RIT1: variants seen among roughly 807,000 people sequenced by gnomAD.
The protein encoded by RIT1 is GTP-binding protein Rit1.
Under a neutral mutation model 25.6 loss-of-function variants are expected in RIT1, and 6 were observed. The ratio of observed to expected loss-of-function variants is 0.23; its 90% CI spans 0.13 to 0.46. The LOEUF (loss-of-function observed/expected upper bound fraction) is 0.46. Ranked by LOEUF, RIT1 falls within the 20% of genes least tolerant of loss-of-function variation. The probability of loss-of-function intolerance (pLI) is 0.99; values close to 1 mark genes in which losing one functional copy is unlikely to be tolerated. For synonymous variants in RIT1, 81 were observed against 94.1 expected (o/e 0.86, Z 0.80); for missense variants, 219 against 284.4 (o/e 0.77, Z 1.65).
At position 155,898,699 on chromosome 1, in the gene RIT1, A is replaced by G; in HGVS notation, c.*1689T>C. Reference sequence around the variant, plus strand: ...CTTTGATGCTTTTCCAAAGTGCTATAGTTCCTGTGAGATTTGTGTCCTGCA... The same window carrying G: ...CTTTGATGCTTTTCCAAAGTGCTATGGTTCCTGTGAGATTTGTGTCCTGCA... On this transcript the variant is annotated 3_prime_UTR_variant, in exon 6 of 6. Transcript: ENST00000368323. 5.2e-6 allele frequency: 1 copy of G among 191,908 alleles called. No individual in the cohort carries two copies. The highest frequency in any genetic ancestry group is 1.1e-5 in the Non-Finnish European group (1 of 91,628). The allele number at this position is 191,908 out of a possible 1,614,324, so 11.9% of individuals were successfully genotyped here. A position where few individuals can be genotyped will look rare whatever the true frequency, so the allele number is the denominator to read the frequency against.
chr1:155,908,086 T>C (rs1340152478), intron 3 of RIT1, among the ~76,000 whole-genome samples: 5 of 142,130 alleles, frequency 3.5e-5, no homozygotes, highest in African/African-American at 5.4e-5. Flanking sequence ...TGAGACTCCA[T>C]CTAAAAAAAA....
At position 155,904,739 on chromosome 1, in the gene RIT1, C is replaced by G. The variant is rs869025191; in HGVS notation, c.229G>C (p.Ala77Pro). ...ATTCTGGGATTTAATACCTGTCCAG[C>G]TGTATCCAAAATGTCCAGATTGGCA... The part of the protein sequence containing the change: ...EPANLDILDT[A>P]GQAEFTAMRD... Residue 77 changes from alanine to proline, a missense_variant, in exon 4 of 6, where the codon GCT (alanine) becomes CCT (proline). By Grantham distance (27) the Ala-to-Pro change is conservative. Coordinates refer to ENST00000368323, the MANE Select transcript of RIT1 (RefSeq NM_006912.6). 6.2e-7 allele frequency: 1 copy of G among 1,609,954 alleles called. No homozygotes were observed.
At chr1:155,902,990 G>A (rs192114811) in intron 5 of RIT1, among the ~76,000 whole-genome samples, 33 of 145,936 alleles carry the variant, frequency 2.3e-4, no homozygotes, top group African/African-American at 6.9e-4. Flanking sequence ...GTGAAACCCC[G>A]TCTCTACTTA....
chr1:155,901,892 G>A (rs995486797), intron 5 of RIT1, among the ~76,000 whole-genome samples: 14 of 152,116 alleles, frequency 9.2e-5, no homozygotes, highest in African/African-American at 3.4e-4. Flanking sequence ...CAGGCAGGCA[G>A]ATCACCTGAG....
Position 155,910,690 on chromosome 1 carries a change from T to C in RIT1, c.72A>G (p.Leu24=), listed in dbSNP as rs770237120. Reference sequence around the variant, plus strand: ...CTACACCACCAGCACCCAGCATCACTAGTTTGTACTCCCGTGAGAGCCCAG... The same window carrying C: ...CTACACCACCAGCACCCAGCATCACCAGTTTGTACTCCCGTGAGAGCCCAG... The part of the protein sequence containing the change: ...SPAGLSREYK[L]VMLGAGGVGK... Residue 24 remains leucine, a synonymous_variant, in exon 2 of 6, where the codon CTA becomes CTG. Coordinates refer to ENST00000368323, the MANE Select transcript of RIT1 (RefSeq NM_006912.6). The C allele has an allele frequency of 1.9e-6, 3 of 1,614,226 alleles. No individual in the cohort carries two copies. In the African/African-American group the frequency reaches 4.0e-5, roughly 22 times the overall value.
rs1213512340 is a variant in RIT1, at chr1:155,910,811, AAGG to A, written c.-43-10_-43-8del. On this transcript the variant is annotated splice_polypyrimidine_tract_variant and splice_region_variant and intron_variant, in intron 1 of 5. Transcript: ENST00000368323. ...TGCCCCGAGGAAAAGCCACCTAGAA[AAGG>A]AGGAGGAAATGCTTAATCCAGGATG... is the stretch of plus-strand genomic sequence containing the variant. 6 of 1,613,870 alleles carry A rather than the reference AAGG, an allele frequency of 3.7e-6. No homozygotes were observed. Among genetic ancestry groups the A allele is most frequent in the African/African-American group, 1.3e-5 (1 of 74,912 alleles).
Position 155,899,839 on chromosome 1 carries a change from C to G in RIT1, c.*549G>C, listed in dbSNP as rs1191989122. ...TTTTAAGTCCCTGCAAACATATAGC[C>G]CAACTTTCCCAAATCTCACCACTCC... On this transcript the variant is annotated 3_prime_UTR_variant, in exon 6 of 6. Coordinates refer to ENST00000368323, the MANE Select transcript of RIT1 (RefSeq NM_006912.6). The G allele has an allele frequency of 9.3e-6, 2 of 214,622 alleles. No homozygotes were observed. The highest frequency in any genetic ancestry group is 4.5e-5 in the African/African-American group (2 of 44,154). 13.3% of individuals were successfully genotyped at this position (214,622 alleles called of 1,614,324 possible). A position where few individuals can be genotyped will look rare whatever the true frequency, so the allele number is the denominator to read the frequency against.
intron 1 of RIT1, 85 bp from the exon 2 acceptor site, chr1:155,910,889 T>C (rs1358287750): frequency 3.8e-6 from 6 of 1,571,312 alleles, no homozygotes; most frequent in South Asian, 1.1e-5. Context: ...TTTCCATACA[T>C]ATTCTGGCCT....
intron 3 of RIT1, chr1:155,910,219 G>T: frequency 1.9e-6 from 1 of 532,532 alleles, no homozygotes; most frequent in Non-Finnish European, 3.3e-6. Context: ...AACAAAGAGA[G>T]TTGTCCCATT....
At chr1:155,904,900 T>C in intron 3 of RIT1, 96 bp from the exon 4 acceptor site, 1 of 770,654 alleles carries the variant, frequency 1.3e-6, no homozygotes, top group South Asian at 1.6e-5. Flanking sequence ...TGTATCCAAA[T>C]TCATTAAATG....
At chr1:155,908,491 C>T (rs942336667) in intron 3 of RIT1, among the ~76,000 whole-genome samples, 17 of 150,722 alleles carry the variant, frequency 1.1e-4, no homozygotes, top group African/African-American at 4.1e-4. Context: ...TTGGAGTTCT[C>T]AAGTACATAT....
chr1:155,903,091 A>G (rs1673347082), intron 5 of RIT1, among the ~76,000 whole-genome samples: 2 of 151,756 alleles, frequency 1.3e-5, no homozygotes, highest in African/African-American at 2.4e-5. Flanking sequence ...AGGTCAGGAG[A>G]TCGAGACCAT....
rs767822483 is a variant in RIT1 at position 155,910,890 on chromosome 1, A to G, written c.-43-86T>C. 1.8e-5 allele frequency: 28 copies of G among 1,571,266 alleles called. No individual in the cohort carries two copies. The highest frequency in any genetic ancestry group is 2.4e-5 in the Non-Finnish European group (28 of 1,157,572). ...GCCAGTGCCTTACCTTTCCATACAT[A>G]TTCTGGCCTGTCCCTCTTACTCTGG... On this transcript the variant is annotated intron_variant, in intron 1 of 5. Transcript: ENST00000368323.
At position 155,899,379 on chromosome 1, in the gene RIT1, GCACA is replaced by G. The variant is rs1159445600; in HGVS notation, c.*1005_*1008del. On this transcript the variant is annotated 3_prime_UTR_variant, in exon 6 of 6. Coordinates refer to ENST00000368323, the MANE Select transcript of RIT1 (RefSeq NM_006912.6). ...TCTAGTGATTGTCCACGTCAAGGAG[GCACA>G]CACACAATTTTACCCACACCCCTGA... 2 of 226,270 alleles carry G rather than the reference GCACA, an allele frequency of 8.8e-6. No individual in the cohort carries two copies. Among genetic ancestry groups the G allele is most frequent in the Non-Finnish European group, 1.8e-5 (2 of 113,288 alleles). The allele number at this position is 226,270 out of a possible 1,614,324, so 14.0% of individuals were successfully genotyped here.
intron 1 of RIT1, 44 bp downstream of exon 1, chr1:155,911,199 C>CATTCTCCTCCGA (rs1673593603): frequency 2.2e-6 from 1 of 454,614 alleles, no homozygotes; most frequent in African/African-American, 2.0e-5. Context: ...ACCCCCTCCC[C>CATTCTCCTCCGA]ACCCCCAGCT....
chr1:155,899,410 G>A lies in RIT1; in HGVS notation c.*978C>T. The A allele has an allele frequency of 4.4e-6, 1 of 226,660 alleles. No homozygotes were observed. The highest frequency in any genetic ancestry group is 6.3e-5 in the East Asian group (1 of 15,834). The allele number at this position is 226,660 out of a possible 1,614,324, so 14.0% of individuals were successfully genotyped here. A position where few individuals can be genotyped will look rare whatever the true frequency, so the allele number is the denominator to read the frequency against. Reference sequence around the variant, plus strand: ...ACACAATTTTACCCACACCCCTGATGTCTCTTCTGTATGGAAAATGCAATC... The same window carrying A: ...ACACAATTTTACCCACACCCCTGATATCTCTTCTGTATGGAAAATGCAATC... On this transcript the variant is annotated 3_prime_UTR_variant, in exon 6 of 6. Transcript: ENST00000368323.
In RIT1 at chr1:155,899,414, C is replaced by T. The variant is rs893257646; in HGVS notation, c.*974G>A. ...AATTTTACCCACACCCCTGATGTCT[C>T]TTCTGTATGGAAAATGCAATCAGTG... On this transcript the variant is annotated 3_prime_UTR_variant, in exon 6 of 6. Coordinates refer to ENST00000368323, the MANE Select transcript of RIT1 (RefSeq NM_006912.6). 1.1e-4 allele frequency: 24 copies of T among 226,670 alleles called. No individual in the cohort carries two copies. Among genetic ancestry groups the T allele is most frequent in the Non-Finnish European group, 8.8e-6 (1 of 113,720 alleles). The allele number at this position is 226,670 out of a possible 1,614,324, so 14.0% of individuals were successfully genotyped here. A position where few individuals can be genotyped will look rare whatever the true frequency, so the allele number is the denominator to read the frequency against.
At chr1:155,904,059 C>G (rs968607771) in intron 5 of RIT1, among the ~76,000 whole-genome samples, 10 of 152,180 alleles carry the variant, frequency 6.6e-5, no homozygotes, top group African/African-American at 2.4e-4. Context: ...CACCACTATG[C>G]CCAGCTATGT....
intron 5 of RIT1, among the ~76,000 whole-genome samples, chr1:155,902,868 T>TA (rs983334198): frequency 7.1e-5 from 10 of 140,806 alleles, no homozygotes; most frequent in South Asian, 2.2e-4. Context: ...AAATAAAAAT[T>TA]AAAAAAAAAG....
Sources: gnomAD v4.1 joint callset for allele counts (sites outside exome capture counted in the v4.1 genomes callset) on GRCh38, gnomAD v4.1.1 for gene constraint, MANE v1.5 for transcripts, NCBI Gene and HGNC (gene_info 2026-07-23, HGNC 2026-07-21) for gene names.